The following GRID2 variants were observed in gnomAD, a reference collection of about 807,000 sequenced individuals.
GRID2 encodes the protein glutamate ionotropic receptor delta type subunit 2.
Under a neutral mutation model 114.8 loss-of-function variants are expected in GRID2, and 33 were observed. The observed-to-expected ratio is 0.29, with a 90% CI of 0.22 to 0.38. The LOEUF (loss-of-function observed/expected upper bound fraction) is 0.38. GRID2 is among the 10% of genes least tolerant of loss of function. The pLI, the probability that GRID2 is intolerant of heterozygous loss-of-function variation, is 1.00. For missense variants in GRID2, 1,184 were observed against 1,257.7 expected (o/e 0.94, Z 0.89); for synonymous variants, 505 against 449.9 (o/e 1.12, Z -1.55).
chr4:93,163,392 A>AGTG (rs1560941870), intron 4 of GRID2, among the ~76,000 whole-genome samples: 7 of 46,492 alleles, frequency 1.5e-4, no homozygotes, highest in African/African-American at 5.4e-4. Flanking sequence ...ATATATATAT[A>AGTG]TATATATACA....
intron 2 of GRID2, among the ~76,000 whole-genome samples, chr4:92,989,783 C>T (rs996341076): frequency 6.6e-6 from 1 of 152,124 alleles, no homozygotes; most frequent in Non-Finnish European, 1.5e-5. Context: ...CATAATTTAT[C>T]TGGGTGACAT....
At chr4:92,632,644 AGAAAG>A (rs1038595641) in intron 2 of GRID2, among the ~76,000 whole-genome samples, 12 of 151,818 alleles carry the variant, frequency 7.9e-5, no homozygotes, top group African/African-American at 2.9e-4. Context: ...AAGAAAGAAA[AGAAAG>A]GAAAGGAAGG....
chr4:93,344,643 A>AT (rs1205636261), intron 8 of GRID2, among the ~76,000 whole-genome samples: 2 of 148,166 alleles, frequency 1.3e-5, no homozygotes, highest in Non-Finnish European at 3.0e-5. Flanking sequence ...TATTGTATAT[A>AT]TTTAATATAT....
chr4:93,311,648 C>A (rs1433645), intron 8 of GRID2, among the ~76,000 whole-genome samples: 85,528 of 151,590 alleles, frequency 0.56, 26,978 homozygotes, highest in Non-Finnish European at 0.73. Context: ...TGAGAAACCT[C>A]AACATTTAAC....
In GRID2 at chr4:92,534,232, AG is replaced by A. The variant is rs944322296; in HGVS notation, c.89-55898del. Among the ~76,000 whole-genome samples the A allele has an allele frequency of 5.3e-5, 8 of 152,256 alleles. No individual in the cohort carries two copies. In the East Asian group the frequency reaches 1.2e-3, roughly 22 times the overall value. On this transcript the variant is annotated intron_variant, in intron 1 of 15. Coordinates refer to ENST00000282020, the MANE Select transcript of GRID2 (RefSeq NM_001510.4). ...ACTAGAAGTAAAGCTTTTATTTCAA[AG>A]AAAGTCTATCCTCTTACCTTTTACA...
chr4:92,615,311 T>G (rs564038749), intron 2 of GRID2, among the ~76,000 whole-genome samples: 20 of 151,666 alleles, frequency 1.3e-4, no homozygotes, highest in Admixed American at 9.2e-4. Flanking sequence ...ATGAGGGCTC[T>G]GCCTATTGAC....
At chr4:93,514,456 C>A (rs1560701546) in intron 12 of GRID2, among the ~76,000 whole-genome samples, 1 of 149,316 alleles carries the variant, frequency 6.7e-6, no homozygotes, top group Non-Finnish European at 1.5e-5. Flanking sequence ...CACACACACA[C>A]ACACAATGCT....
intron 4 of GRID2, among the ~76,000 whole-genome samples, chr4:93,112,569 T>C (rs181879906): frequency 6.6e-6 from 1 of 152,330 alleles, no homozygotes; most frequent in East Asian, 1.9e-4. Flanking sequence ...TCCTCAGCCA[T>C]GTGGAACTGT....
chr4:92,950,668 G>A (rs1340337484), intron 2 of GRID2, among the ~76,000 whole-genome samples: 1 of 152,066 alleles, frequency 6.6e-6, no homozygotes, highest in Non-Finnish European at 1.5e-5. Context: ...AATACATTTT[G>A]TCCTCCAAAT....
intron 1 of GRID2, among the ~76,000 whole-genome samples, chr4:92,349,280 A>G (rs1727939938): frequency 6.6e-6 from 1 of 152,006 alleles, no homozygotes; most frequent in African/African-American, 2.4e-5. Context: ...TGGACTAAAA[A>G]TGACTAAAAG....
At position 92,380,204 on chromosome 4, in the gene GRID2, T is replaced by G. The variant is rs1458702987; in HGVS notation, c.88+75460T>G. On this transcript the variant is annotated intron_variant, in intron 1 of 15. Transcript: ENST00000282020. The stretch of plus-strand genomic sequence containing the variant: ...GTTTTAGATATGGTAGGTCCTTGTG[T>G]GTGTTGATTTTTTTGTGTAATGATA... Among the ~76,000 whole-genome samples, 3 of 151,874 alleles carry G rather than the reference T, an allele frequency of 2.0e-5. No individual in the cohort carries two copies. In the East Asian group the frequency reaches 5.8e-4, roughly 29 times the overall value.
At chr4:92,848,428 G>A (rs1743500654) in intron 2 of GRID2, among the ~76,000 whole-genome samples, 1 of 151,632 alleles carries the variant, frequency 6.6e-6, no homozygotes, top group African/African-American at 2.4e-5. Context: ...TACTCCATAT[G>A]TATGTGTACC....
intron 1 of GRID2, among the ~76,000 whole-genome samples, chr4:92,415,091 ACTT>A (rs1731530442): frequency 6.6e-6 from 1 of 152,068 alleles, no homozygotes. Flanking sequence ...GTATTTCATA[ACTT>A]CTTAAAAATA....
At chr4:93,347,898 C>G (rs538401777) in intron 8 of GRID2, among the ~76,000 whole-genome samples, 1 of 152,030 alleles carries the variant, frequency 6.6e-6, no homozygotes, top group Admixed American at 6.6e-5. Flanking sequence ...TGAACAATAT[C>G]AAAAATTTAT....
chr4:93,720,630 G>A (rs1009557187), intron 14 of GRID2, among the ~76,000 whole-genome samples: 1 of 152,148 alleles, frequency 6.6e-6, no homozygotes, highest in African/African-American at 2.4e-5. Flanking sequence ...GACCCTGCTT[G>A]CAAGAAGCAA....
intron 2 of GRID2, among the ~76,000 whole-genome samples, chr4:93,070,387 T>C (rs537232809): frequency 1.3e-5 from 2 of 152,212 alleles, no homozygotes; most frequent in Admixed American, 1.3e-4. Context: ...AAGGCATTAT[T>C]AGTGAAATTA....
chr4:93,635,029 A>T (rs1479368208), intron 14 of GRID2, among the ~76,000 whole-genome samples: 1 of 152,070 alleles, frequency 6.6e-6, no homozygotes, highest in Non-Finnish European at 1.5e-5. Context: ...TTTAATTATG[A>T]TCATTTACTA....
At chr4:93,448,206 A>G (rs934676826) in intron 10 of GRID2, among the ~76,000 whole-genome samples, 11 of 151,982 alleles carry the variant, frequency 7.2e-5, no homozygotes, top group African/African-American at 2.4e-5. Flanking sequence ...GAATAAGTGG[A>G]AGTAACAGAT....
chr4:92,840,219 A>C (rs1192543602), intron 2 of GRID2, among the ~76,000 whole-genome samples: 1 of 151,880 alleles, frequency 6.6e-6, no homozygotes, highest in Non-Finnish European at 1.5e-5. Context: ...TTACAGGTAA[A>C]GTGTGTCTCT....
Sources: gnomAD v4.1 joint callset for allele counts (sites outside exome capture counted in the v4.1 genomes callset) on GRCh38, gnomAD v4.1.1 for gene constraint, MANE v1.5 for transcripts, NCBI Gene and HGNC (gene_info 2026-07-23, HGNC 2026-07-21) for gene names.